TMEM65: variants seen among roughly 807,000 people sequenced by gnomAD.
TMEM65 encodes the protein transmembrane protein 65.
Under a neutral mutation model 25.4 loss-of-function variants are expected in TMEM65, and 22 were observed. The ratio of observed to expected loss-of-function variants is 0.86; its 90% confidence interval spans 0.62 to 1.23. The LOEUF is 1.23. Among genes scored for constraint, TMEM65 ranks in the 50% most tolerant of loss-of-function variants. The pLI is 0.00. For missense variants in TMEM65, 262 were observed against 308.2 expected, an observed-to-expected ratio of 0.85 and a Z score of 1.12; for synonymous variants, 132 against 126.2, an observed-to-expected ratio of 1.05 and a Z score of -0.31.
intron 1 of TMEM65, among the ~76,000 whole-genome samples, chr8:124,350,119 AGTGTGT>A (rs71866914): frequency 0.75 from 110,375 of 148,062 alleles, 41,095 homozygotes; most frequent in East Asian, 0.82. Flanking sequence ...CTAATACATC[AGTGTGT>A]GTGTGTGTGT....
chr8:124,351,559 C>T (rs180765473), intron 1 of TMEM65, among the ~76,000 whole-genome samples: 1 of 152,268 alleles, frequency 6.6e-6, no homozygotes, highest in African/African-American at 2.4e-5. Context: ...CAAAATGCAG[C>T]GAGCATCTTT....
chr8:124,342,540 T>A (rs1223479997), intron 1 of TMEM65, among the ~76,000 whole-genome samples: 1 of 152,150 alleles, frequency 6.6e-6, no homozygotes, highest in African/African-American at 2.4e-5. Flanking sequence ...TGATAACCTA[T>A]ATAATAAACA....
chr8:124,328,560 G>A (rs1814395136), intron 2 of TMEM65, among the ~76,000 whole-genome samples: 1 of 152,104 alleles, frequency 6.6e-6, no homozygotes, highest in Non-Finnish European at 1.5e-5. Context: ...CACTAACCTG[G>A]AAAGGAAGAG....
At chr8:124,346,403 A>G (rs755381010) in intron 1 of TMEM65, among the ~76,000 whole-genome samples, 2 of 152,192 alleles carry the variant, frequency 1.3e-5, no homozygotes, top group Non-Finnish European at 2.9e-5. Flanking sequence ...GAAAATCTGA[A>G]AAAGAAAGAG....
intron 1 of TMEM65, among the ~76,000 whole-genome samples, chr8:124,333,011 G>T (rs1814454133): frequency 6.6e-6 from 1 of 151,770 alleles, no homozygotes; most frequent in Admixed American, 6.6e-5. Flanking sequence ...CACCATGTTG[G>T]CCAGGCTGGT....
chr8:124,350,306 C>A (rs1814691183), intron 1 of TMEM65, among the ~76,000 whole-genome samples: 1 of 152,094 alleles, frequency 6.6e-6, no homozygotes, highest in Non-Finnish European at 1.5e-5. Flanking sequence ...TTCAGACTCC[C>A]TTTCATACAC....
rs183957735 is a variant in TMEM65 at position 124,368,928 on chromosome 8, G to C, written c.304+2926C>G. Among the ~76,000 whole-genome samples, 398 of 152,266 alleles carry C rather than the reference G, an allele frequency of 2.6e-3. 9 individuals are homozygous for C. Among genetic ancestry groups the C allele is most frequent in the Non-Finnish European group, 2.1e-3 (142 of 68,028 alleles). On this transcript the variant is annotated intron_variant, in intron 1 of 6. Coordinates refer to ENST00000297632, the MANE Select transcript of TMEM65 (RefSeq NM_194291.3). Reference sequence around the variant, plus strand: ...TACCGCAATGGATAACTAATACAATGAGCACTGTCTATTTTTCAATACCAA... The same window carrying C: ...TACCGCAATGGATAACTAATACAATCAGCACTGTCTATTTTTCAATACCAA...
chr8:124,350,995 A>G lies in TMEM65; in HGVS notation c.305-20203T>C, dbSNP rs1814699496. On this transcript the variant is annotated intron_variant, in intron 1 of 6. Coordinates refer to ENST00000297632, the MANE Select transcript of TMEM65 (RefSeq NM_194291.3). ...ACAAGCAAGAAGTTCCATCAAATAG[A>G]TGCTTCACTACTTGCAATCAACACT... 4 of 985,118 alleles carry G rather than the reference A, an allele frequency of 4.1e-6. No homozygotes were observed. The South Asian group carries it at 1.9e-4, about 46-fold the overall frequency. 61.0% of individuals were successfully genotyped at this position (985,118 alleles called of 1,614,324 possible). A position where few individuals can be genotyped will look rare whatever the true frequency, so the allele number is the denominator to read the frequency against.
intron 1 of TMEM65, among the ~76,000 whole-genome samples, chr8:124,340,957 C>T (rs983467632): frequency 6.6e-6 from 1 of 152,072 alleles, no homozygotes; most frequent in Non-Finnish European, 1.5e-5. Context: ...AAAGTACACG[C>T]TTCCAGATAT....
chr8:124,359,804 G>A (rs201829429), intron 1 of TMEM65, among the ~76,000 whole-genome samples: 4 of 151,760 alleles, frequency 2.6e-5, no homozygotes, highest in South Asian at 2.1e-4. Context: ...AATTGATAAC[G>A]AAAATTAAAT....
chr8:124,341,458 G>GT (rs1814582649), intron 1 of TMEM65, among the ~76,000 whole-genome samples: 1 of 152,128 alleles, frequency 6.6e-6, no homozygotes, highest in Non-Finnish European at 1.5e-5. Context: ...TGTTAAAACA[G>GT]TAAGAATTTC....
intron 1 of TMEM65, among the ~76,000 whole-genome samples, chr8:124,347,289 A>G (rs1476086994): frequency 1.3e-5 from 2 of 152,218 alleles, no homozygotes; most frequent in African/African-American, 4.8e-5. Flanking sequence ...TGTCTTACGT[A>G]AAACCCATAA....
chr8:124,330,180 C>T (rs913916425), intron 2 of TMEM65, among the ~76,000 whole-genome samples: 1 of 151,816 alleles, frequency 6.6e-6, no homozygotes, highest in African/African-American at 2.4e-5. Context: ...TTAAATAATT[C>T]ACTTCTTCCA....
intron 6 of TMEM65, among the ~76,000 whole-genome samples, chr8:124,318,390 T>C (rs959192346): frequency 2.9e-5 from 4 of 139,676 alleles, no homozygotes; most frequent in African/African-American, 1.1e-4. Context: ...TTTTTTTTTT[T>C]TTGAGATGGA....
At chr8:124,363,705 C>T (rs1320752935) in intron 1 of TMEM65, among the ~76,000 whole-genome samples, 3 of 150,928 alleles carry the variant, frequency 2.0e-5, no homozygotes, top group South Asian at 2.1e-4. Flanking sequence ...GGCGTAGTGG[C>T]GGGCGCCTGT....
intron 4 of TMEM65, 106 bp downstream of exon 4, chr8:124,323,215 C>G (rs1401176307): frequency 4.4e-5 from 27 of 609,068 alleles, no homozygotes; most frequent in Non-Finnish European, 2.8e-6. Context: ...TAACAGATAT[C>G]TCAATGAGTA....
In TMEM65 at chr8:124,312,701, A is replaced by C. The variant is rs142132293; in HGVS notation, c.*1259T>G. The C allele has an allele frequency of 7.9e-5, 12 of 152,110 alleles. No homozygotes were observed. The highest frequency in any genetic ancestry group is 2.9e-5 in the Non-Finnish European group (2 of 67,856). 9.4% of individuals were successfully genotyped at this position (152,110 alleles called of 1,614,324 possible). ...TCTTACATGGTTATACTTAAGCCAG[A>C]AGTACAAGACTAGAAATAAGTAACT... On this transcript the variant is annotated 3_prime_UTR_variant, in exon 7 of 7. Transcript: ENST00000297632.
chr8:124,370,039 A>C (rs937599961), intron 1 of TMEM65, among the ~76,000 whole-genome samples: 1 of 152,202 alleles, frequency 6.6e-6, no homozygotes, highest in African/African-American at 2.4e-5. Flanking sequence ...CATATTAGTA[A>C]CATAACTAAG....
intron 1 of TMEM65, among the ~76,000 whole-genome samples, chr8:124,359,107 C>T (rs1397760442): frequency 2.0e-5 from 3 of 152,158 alleles, no homozygotes; most frequent in African/African-American, 7.2e-5. Flanking sequence ...CAAGCTTTGG[C>T]TTTTGGAAAT....
Sources: gnomAD v4.1 joint callset for allele counts (sites outside exome capture counted in the v4.1 genomes callset) on GRCh38, gnomAD v4.1.1 for gene constraint, MANE v1.5 for transcripts, NCBI Gene and HGNC (gene_info 2026-07-23, HGNC 2026-07-21) for gene names.